Variants in NCOA2 observed in about 807,000 individuals in gnomAD.
NCOA2 encodes the protein nuclear receptor coactivator 2, also known as class E basic helix-loop-helix protein 75.
Under a neutral mutation model 145.1 loss-of-function variants are expected in NCOA2, and 21 were observed. That is an observed-to-expected ratio of 0.14 (90% CI 0.10 to 0.21). The LOEUF is 0.21. Ranked by LOEUF, NCOA2 falls within the 10% of genes least tolerant of loss-of-function variation. The probability of loss-of-function intolerance (pLI) is 1.00; values close to 1 mark genes in which losing one functional copy is unlikely to be tolerated. For synonymous variants in NCOA2, 619 were observed against 637.5 expected, an observed-to-expected ratio of 0.97 and a Z score of 0.44; for missense variants, 1,472 against 1,837.6, an observed-to-expected ratio of 0.80 and a Z score of 3.64.
chr8:70,292,821 A>G (rs1178654936), intron 2 of NCOA2, among the ~76,000 whole-genome samples: 1 of 152,228 alleles, frequency 6.6e-6, no homozygotes, highest in African/African-American at 2.4e-5. Flanking sequence ...ATGTGTGCAC[A>G]TAAAAGGAAG....
chr8:70,403,926 G>A (rs988282411), upstream of NCOA2: 2 of 375,166 alleles, frequency 5.3e-6, no homozygotes, highest in Non-Finnish European at 9.5e-6. Flanking sequence ...CTCGCGAGCA[G>A]GGGAGGGGGC....
intron 4 of NCOA2, among the ~76,000 whole-genome samples, chr8:70,184,426 C>A (rs1378032651): frequency 6.6e-6 from 1 of 152,128 alleles, no homozygotes; most frequent in African/African-American, 2.4e-5. Flanking sequence ...GCCTGGGGAG[C>A]CAGGATAAAA....
chr8:70,243,423 C>T (rs1025468329), intron 2 of NCOA2, among the ~76,000 whole-genome samples: 3 of 151,920 alleles, frequency 2.0e-5, no homozygotes, highest in African/African-American at 7.3e-5. Flanking sequence ...GGCTGGATTC[C>T]AACGCCAGTT....
chr8:70,450,593 T>G, the NCOA2 span, among the ~76,000 whole-genome samples: 2 of 145,242 alleles, frequency 1.4e-5, no homozygotes, highest in African/African-American at 5.2e-5. Context: ...TTTTTTTTTT[T>G]TGTGAGATGG....
rs780717393 is a variant in NCOA2, at chr8:70,131,898, C to T, written c.3263G>A (p.Arg1088Gln). ...ALLDQLYLAL[R>Q]NFDGLEEIDR... ...AATCTCCTCCAGGCCATCAAAATTC[C>T]GCAAGGCCAGATACAGCTGGTCCAG... The change falls in exon 16 of 23, where the codon CGG (arginine) becomes CAG (glutamine). Residue 1088 changes from arginine (R) to glutamine (Q), a missense_variant. Arg to Gln is a conservative substitution (Grantham distance 43, BLOSUM62 1). Coordinates refer to ENST00000452400, the MANE Select transcript of NCOA2 (RefSeq NM_006540.4). The T allele has an allele frequency of 1.2e-5, 20 of 1,605,380 alleles. No homozygotes were observed. Among genetic ancestry groups the T allele is most frequent in the East Asian group, 1.1e-4 (5 of 44,540 alleles).
chr8:70,292,589 T>C (rs890693341), intron 2 of NCOA2, among the ~76,000 whole-genome samples: 1 of 149,082 alleles, frequency 6.7e-6, no homozygotes, highest in South Asian at 2.1e-4. Flanking sequence ...CTAAACACAA[T>C]GTAAAAATAT....
At chr8:70,443,230 TGGGG>T in the NCOA2 span, among the ~76,000 whole-genome samples, 1 of 151,974 alleles carries the variant, frequency 6.6e-6, no homozygotes, top group Non-Finnish European at 1.5e-5. Context: ...AGCTGGGTGG[TGGGG>T]GGCGCATGCC....
intron 1 of NCOA2, among the ~76,000 whole-genome samples, chr8:70,386,464 C>T (rs1812672309): frequency 6.6e-6 from 1 of 152,066 alleles, no homozygotes; most frequent in Non-Finnish European, 1.5e-5. Flanking sequence ...TTCATTATTA[C>T]TTATAAGTGG....
chr8:70,141,506 C>T lies in NCOA2; in HGVS notation c.2813-107G>A, dbSNP rs1480947148. 26 of 1,057,808 alleles carry T rather than the reference C, an allele frequency of 2.5e-5. 1 individual carries two copies. The East Asian group carries it at 6.5e-4, about 26-fold the overall frequency. 65.5% of individuals were successfully genotyped at this position (1,057,808 alleles called of 1,614,324 possible). A position where few individuals can be genotyped will look rare whatever the true frequency, so the allele number is the denominator to read the frequency against. ...TACAAAACAATCATTCTGTAATTCA[C>T]ACTTAGCCAATAGCTAATGTTCTCA... On this transcript the variant is annotated intron_variant, in intron 13 of 22. Coordinates refer to ENST00000452400, the MANE Select transcript of NCOA2 (RefSeq NM_006540.4).
At chr8:70,209,796 A>G (rs762882384) in intron 4 of NCOA2, among the ~76,000 whole-genome samples, 1 of 152,234 alleles carries the variant, frequency 6.6e-6, no homozygotes, top group Non-Finnish European at 1.5e-5. Flanking sequence ...ACTTTTATAC[A>G]CCCTGGAAAA....
chr8:70,341,609 CTTTGTTAAT>C (rs1336892536), intron 1 of NCOA2, among the ~76,000 whole-genome samples: 1 of 152,142 alleles, frequency 6.6e-6, no homozygotes, highest in South Asian at 2.1e-4. Flanking sequence ...AACTTAATTG[CTTTGTTAAT>C]CAGCAATGAA....
At chr8:70,364,844 T>C (rs1227276) in intron 1 of NCOA2, among the ~76,000 whole-genome samples, 3,946 of 146,978 alleles carry the variant, frequency 0.027, 177 homozygotes, top group African/African-American at 0.091. Context: ...TTTTTTTTTT[T>C]CCCCCAGTCT....
the NCOA2 span, among the ~76,000 whole-genome samples, chr8:70,441,928 GAGA>G: frequency 9.9e-5 from 14 of 141,358 alleles, no homozygotes; most frequent in South Asian, 4.7e-4. Flanking sequence ...TCACAGGTGG[GAGA>G]AGAAGAAGAA....
chr8:70,311,068 G>C (rs892359949), intron 1 of NCOA2, among the ~76,000 whole-genome samples: 1 of 151,690 alleles, frequency 6.6e-6, no homozygotes, highest in Admixed American at 6.6e-5. Flanking sequence ...ACAATGTCTC[G>C]GTAGTAGATT....
At chr8:70,400,087 C>T (rs1445877715) in intron 1 of NCOA2, among the ~76,000 whole-genome samples, 3 of 152,186 alleles carry the variant, frequency 2.0e-5, no homozygotes, top group Non-Finnish European at 4.4e-5. Context: ...CCAAGCCTTA[C>T]ATTTTATATT....
intron 2 of NCOA2, among the ~76,000 whole-genome samples, chr8:70,259,934 G>C (rs1823974326): frequency 6.6e-6 from 1 of 152,124 alleles, no homozygotes; most frequent in Non-Finnish European, 1.5e-5. Context: ...TCCCTGATTC[G>C]GTGTTAAACA....
chr8:70,428,047 AAT>A, the NCOA2 span, among the ~76,000 whole-genome samples: 33 of 152,330 alleles, frequency 2.2e-4, no homozygotes, highest in African/African-American at 7.5e-4. Context: ...AATATACTTG[AAT>A]CTCTGATTAA....
intron 4 of NCOA2, among the ~76,000 whole-genome samples, chr8:70,213,094 CAA>C (rs951962965): frequency 1.5e-4 from 12 of 77,628 alleles, no homozygotes; most frequent in Non-Finnish European, 2.0e-4. Context: ...AAAAAAACAC[CAA>C]AAAAAAAAAA....
chr8:70,233,639 T>C (rs1007699340), intron 2 of NCOA2, among the ~76,000 whole-genome samples: 7 of 152,232 alleles, frequency 4.6e-5, no homozygotes, highest in Non-Finnish European at 1.5e-5. Context: ...AACTTTCTGC[T>C]GTGTTTACCA....
Sources: gnomAD v4.1 joint callset for allele counts (sites outside exome capture counted in the v4.1 genomes callset) on GRCh38, gnomAD v4.1.1 for gene constraint, MANE v1.5 for transcripts, NCBI Gene and HGNC (gene_info 2026-07-23, HGNC 2026-07-21) for gene names.